The following FSHR variants were observed in gnomAD, a reference collection of about 807,000 sequenced individuals.
FSHR encodes follicle-stimulating hormone receptor.
A neutral mutation model predicts 52.1 loss-of-function variants in FSHR; 46 were observed. The ratio of observed to expected loss-of-function variants is 0.88; its 90% CI spans 0.70 to 1.13. FSHR has a LOEUF of 1.13. Among genes scored for constraint, FSHR ranks in the 50% most tolerant of loss-of-function variants. The probability of loss-of-function intolerance (pLI) is 0.00; values close to 1 mark genes in which losing one functional copy is unlikely to be tolerated. For missense variants in FSHR, 964 were observed against 834.6 expected, an observed-to-expected ratio of 1.16 and a Z score of -1.91; for synonymous variants, 399 against 309.6, an observed-to-expected ratio of 1.29 and a Z score of -3.03.
chr2:49,028,310 T>C (rs17038075), intron 2 of FSHR, among the ~76,000 whole-genome samples: 2,115 of 152,304 alleles, frequency 0.014, 40 homozygotes, highest in Middle Eastern at 0.045. Context: ...ATCTCACTAA[T>C]GGCTTTGTCT....
At chr2:49,133,531 C>G (rs1056620003) in intron 1 of FSHR, among the ~76,000 whole-genome samples, 38 of 152,188 alleles carry the variant, frequency 2.5e-4, no homozygotes, top group African/African-American at 8.4e-4. Context: ...CCCCATCAAG[C>G]TACCAATGAC....
chr2:49,076,802 C>A (rs368504613), intron 1 of FSHR, among the ~76,000 whole-genome samples: 1 of 152,114 alleles, frequency 6.6e-6, no homozygotes, highest in Admixed American at 6.6e-5. Flanking sequence ...ACAAATTTGG[C>A]CAATTTTGGC....
chr2:49,120,456 T>C (rs954537761), intron 1 of FSHR, among the ~76,000 whole-genome samples: 2 of 152,210 alleles, frequency 1.3e-5, no homozygotes, highest in Admixed American at 6.5e-5. Context: ...TGGTCTTTTG[T>C]AGTTGGATGA....
chr2:49,089,807 A>G (rs1455431749), intron 1 of FSHR, among the ~76,000 whole-genome samples: 1 of 152,192 alleles, frequency 6.6e-6, no homozygotes, highest in Admixed American at 6.5e-5. Context: ...CACTAATGTA[A>G]GCCTGAAAAA....
chr2:48,972,721 T>TA (rs1025632716), intron 8 of FSHR, among the ~76,000 whole-genome samples: 23 of 152,098 alleles, frequency 1.5e-4, no homozygotes, highest in African/African-American at 4.8e-4. Context: ...GAAATGAGAT[T>TA]AAAAAAAACA....
chr2:49,120,512 T>G (rs1220788055), intron 1 of FSHR, among the ~76,000 whole-genome samples: 2 of 152,200 alleles, frequency 1.3e-5, no homozygotes, highest in Admixed American at 6.5e-5. Flanking sequence ...CGAATTGTAT[T>G]GATACAGTGA....
Position 49,079,105 on chromosome 2 carries a change from T to C in FSHR, c.153-10815A>G, listed in dbSNP as rs554476140. Among the ~76,000 whole-genome samples, 80 of 152,158 alleles carry C rather than the reference T, an allele frequency of 5.3e-4. 1 individual carries two copies. The highest frequency in any genetic ancestry group is 1.9e-3 in the South Asian group (9 of 4,820). ...TTAGTGGACAAAAATAACCCCCCCATATTATTTTAAACTATATCAATTACA... is the reference window on the plus strand; with the variant it reads ...TTAGTGGACAAAAATAACCCCCCCACATTATTTTAAACTATATCAATTACA... On this transcript the variant is annotated intron_variant, in intron 1 of 9. Transcript: ENST00000406846.
At chr2:49,108,797 T>C (rs745864274) in intron 1 of FSHR, among the ~76,000 whole-genome samples, 8 of 152,104 alleles carry the variant, frequency 5.3e-5, no homozygotes, top group Non-Finnish European at 1.0e-4. Context: ...TGAGAGGATA[T>C]GTTTGAGGGA....
chr2:49,077,943 T>C (rs895466306), intron 1 of FSHR, among the ~76,000 whole-genome samples: 1 of 152,212 alleles, frequency 6.6e-6, no homozygotes, highest in African/African-American at 2.4e-5. Context: ...ATTCAACAAG[T>C]CTTTAGGAAG....
intron 1 of FSHR, among the ~76,000 whole-genome samples, chr2:49,089,343 T>C (rs1670513682): frequency 6.6e-6 from 1 of 152,150 alleles, no homozygotes; most frequent in Admixed American, 6.6e-5. Flanking sequence ...GATAAATAAC[T>C]GTTTTGCATC....
intron 2 of FSHR, among the ~76,000 whole-genome samples, chr2:49,022,899 GAACC>G (rs1352635004): frequency 6.6e-6 from 1 of 152,106 alleles, no homozygotes; most frequent in Admixed American, 6.5e-5. Flanking sequence ...ACACACATGA[GAACC>G]ACCTAGAGAT....
At chr2:49,073,463 A>G (rs1193853733) in intron 1 of FSHR, among the ~76,000 whole-genome samples, 2 of 152,022 alleles carry the variant, frequency 1.3e-5, no homozygotes, top group African/African-American at 4.8e-5. Flanking sequence ...CAATAGCTAC[A>G]AAAAAATACC....
At chr2:49,114,921 A>T (rs1671547485) in intron 1 of FSHR, among the ~76,000 whole-genome samples, 1 of 152,002 alleles carries the variant, frequency 6.6e-6, no homozygotes, top group South Asian at 2.1e-4. Flanking sequence ...GTAAGAAGAT[A>T]TACAGAAAAA....
chr2:49,154,221 A>C, intron 1 of FSHR, 45 bp downstream of exon 1: 1 of 1,598,644 alleles, frequency 6.3e-7, no homozygotes, highest in Non-Finnish European at 8.6e-7. Context: ...TACGCAATGC[A>C]CAAATGCCAG....
chr2:49,132,734 G>A (rs1230511561), intron 1 of FSHR, among the ~76,000 whole-genome samples: 1 of 151,958 alleles, frequency 6.6e-6, no homozygotes, highest in Non-Finnish European at 1.5e-5. Flanking sequence ...GTACCTAACT[G>A]CTTTGCTTCT....
intron 1 of FSHR, among the ~76,000 whole-genome samples, chr2:49,128,394 T>A (rs1910564): frequency 0.24 from 37,195 of 151,838 alleles, 4,945 homozygotes; most frequent in East Asian, 0.48. Context: ...AAGATTTTAC[T>A]AAGAAAGCTA....
intron 4 of FSHR, among the ~76,000 whole-genome samples, chr2:49,004,916 T>C (rs1363311629): frequency 6.6e-6 from 1 of 152,132 alleles, no homozygotes; most frequent in African/African-American, 2.4e-5. Flanking sequence ...AATCTGCAAA[T>C]GGGTAGAGTA....
chr2:49,067,446 T>A (rs1199128199), intron 2 of FSHR, among the ~76,000 whole-genome samples: 3 of 152,162 alleles, frequency 2.0e-5, no homozygotes, highest in Non-Finnish European at 2.9e-5. Context: ...TTCCCTTCTG[T>A]ATATACTCTG....
At chr2:48,985,068 T>C (rs1260568759) in intron 6 of FSHR, among the ~76,000 whole-genome samples, 4 of 152,016 alleles carry the variant, frequency 2.6e-5, no homozygotes, top group Non-Finnish European at 5.9e-5. Flanking sequence ...CACGCACCCC[T>C]GGTCTCTTAA....
Sources: gnomAD v4.1 joint callset for allele counts (sites outside exome capture counted in the v4.1 genomes callset) on GRCh38, gnomAD v4.1.1 for gene constraint, MANE v1.5 for transcripts, NCBI Gene and HGNC (gene_info 2026-07-23, HGNC 2026-07-21) for gene names.